Variants in CTNNA2 observed in about 807,000 individuals in gnomAD.
CTNNA2 encodes catenin alpha-2.
Under a neutral mutation model 101.0 loss-of-function variants are expected in CTNNA2, and 42 were observed. The ratio of observed to expected loss-of-function variants is 0.42; its 90% confidence interval spans 0.32 to 0.54. The LOEUF is 0.54. Ranked by LOEUF, CTNNA2 falls within the 20% of genes least tolerant of loss-of-function variation. CTNNA2 has a pLI of 0.14. For missense variants in CTNNA2, 871 were observed against 1,223.1 expected (o/e 0.71, Z 4.29); for synonymous variants, 450 against 456.4 (o/e 0.99, Z 0.18).
At chr2:79,766,996 C>T (rs958224213) in intron 3 of CTNNA2, among the ~76,000 whole-genome samples, 2 of 151,896 alleles carry the variant, frequency 1.3e-5, no homozygotes, top group Non-Finnish European at 2.9e-5. Context: ...CCTCGTGATC[C>T]GCCTGCCTCG....
At chr2:79,510,683 A>C (rs1031870450), upstream of CTNNA2, among the ~76,000 whole-genome samples, 3 of 152,224 alleles carry the variant, frequency 2.0e-5, no homozygotes, top group African/African-American at 7.2e-5. Flanking sequence ...TGTATTTTGA[A>C]GAACTGAGGG....
At chr2:80,430,554 C>T (rs1300258175) in intron 9 of CTNNA2, among the ~76,000 whole-genome samples, 3 of 152,022 alleles carry the variant, frequency 2.0e-5, no homozygotes, top group Non-Finnish European at 2.9e-5. Flanking sequence ...AAATATTAAC[C>T]TTGTACATTC....
intron 3 of CTNNA2, among the ~76,000 whole-genome samples, chr2:79,824,939 C>T (rs1678301912): frequency 6.6e-6 from 1 of 151,908 alleles, no homozygotes; most frequent in Non-Finnish European, 1.5e-5. Flanking sequence ...ACCTGTAATC[C>T]CAGCACTTAG....
intron 7 of CTNNA2, among the ~76,000 whole-genome samples, chr2:80,218,098 A>G (rs565978561): frequency 6.6e-6 from 1 of 152,328 alleles, no homozygotes; most frequent in Admixed American, 6.5e-5. Flanking sequence ...CAACTTGGGG[A>G]TGAGCTGAAA....
chr2:80,213,440 C>T (rs1393812637), intron 7 of CTNNA2, among the ~76,000 whole-genome samples: 1 of 152,174 alleles, frequency 6.6e-6, no homozygotes, highest in Non-Finnish European at 1.5e-5. Context: ...TTTCAAAGAA[C>T]ATTTTTATTT....
chr2:80,024,712 A>G (rs1388732129), intron 7 of CTNNA2, among the ~76,000 whole-genome samples: 2 of 152,192 alleles, frequency 1.3e-5, no homozygotes, highest in Non-Finnish European at 2.9e-5. Context: ...CATCTGGGAA[A>G]GAGTGTCTGC....
At chr2:79,464,384 T>C (rs945670164) in intron 4 of CTNNA2, among the ~76,000 whole-genome samples, 2 of 152,220 alleles carry the variant, frequency 1.3e-5, no homozygotes, top group African/African-American at 4.8e-5. Context: ...AGTCTATCAT[T>C]GTTGGACATT....
intron 11 of CTNNA2, among the ~76,000 whole-genome samples, chr2:80,548,491 C>T (rs1256880272): frequency 6.6e-6 from 1 of 152,170 alleles, no homozygotes; most frequent in East Asian, 1.9e-4. Context: ...TGCCTCTTTG[C>T]TCCCTTTTCT....
intron 3 of CTNNA2, among the ~76,000 whole-genome samples, chr2:79,347,011 A>G (rs1271827376): frequency 6.6e-6 from 1 of 152,230 alleles, no homozygotes; most frequent in Non-Finnish European, 1.5e-5. Flanking sequence ...TGTTTGGATG[A>G]TGAGTTCAAT....
At chr2:80,282,103 T>G (rs2149162084) in intron 7 of CTNNA2, among the ~76,000 whole-genome samples, 1 of 152,262 alleles carries the variant, frequency 6.6e-6, no homozygotes, top group South Asian at 2.1e-4. Context: ...TCTGGGAGTC[T>G]TCTATCAGCT....
chr2:79,986,647 C>G (rs1691784234), intron 7 of CTNNA2, among the ~76,000 whole-genome samples: 1 of 152,136 alleles, frequency 6.6e-6, no homozygotes, highest in Non-Finnish European at 1.5e-5. Flanking sequence ...TTCTCCCTGC[C>G]TAGGCCTCAT....
intron 3 of CTNNA2, among the ~76,000 whole-genome samples, chr2:79,765,846 C>T (rs1673113701): frequency 6.6e-6 from 1 of 152,184 alleles, no homozygotes; most frequent in Non-Finnish European, 1.5e-5. Flanking sequence ...TGTTATGTTA[C>T]TTGCGTACTC....
intron 9 of CTNNA2, among the ~76,000 whole-genome samples, chr2:80,449,485 C>T (rs984966268): frequency 2.0e-5 from 3 of 152,152 alleles, no homozygotes; most frequent in African/African-American, 4.8e-5. Context: ...GTCTCCTTCT[C>T]TGTTTTCAAA....
At chr2:79,845,684 G>C (rs1330435350) in intron 3 of CTNNA2, among the ~76,000 whole-genome samples, 2 of 152,326 alleles carry the variant, frequency 1.3e-5, no homozygotes, top group African/African-American at 4.8e-5. Context: ...TTGATCACAG[G>C]AGTGAAGAAA....
chr2:80,503,372 T>C (rs1013544016), intron 9 of CTNNA2, among the ~76,000 whole-genome samples: 3 of 152,152 alleles, frequency 2.0e-5, no homozygotes, highest in African/African-American at 7.2e-5. Context: ...CAGTAGACAA[T>C]GCTAGCAACT....
intron 2 of CTNNA2, among the ~76,000 whole-genome samples, chr2:79,710,620 A>G (rs1302872630): frequency 6.6e-6 from 1 of 152,168 alleles, no homozygotes; most frequent in Admixed American, 6.5e-5. Context: ...TTTAATAAGG[A>G]TGCCACAGAG....
chr2:79,868,946 TA>T (rs1178427372), intron 4 of CTNNA2, among the ~76,000 whole-genome samples: 26 of 152,250 alleles, frequency 1.7e-4, no homozygotes, highest in Admixed American at 1.3e-4. Context: ...TTCACCACAA[TA>T]TCTTAATTTT....
chr2:80,543,130 A>C (rs1015004092), intron 9 of CTNNA2, among the ~76,000 whole-genome samples: 3 of 152,242 alleles, frequency 2.0e-5, no homozygotes, highest in Non-Finnish European at 4.4e-5. Context: ...TTATTAAATA[A>C]ACATGTACAA....
In CTNNA2 at chr2:80,455,657, A is replaced by G. The variant is rs555343167; in HGVS notation, c.1290+36056A>G. The stretch of plus-strand genomic sequence containing the variant: ...TCTCCTCATTAAAGTGAAGAAAATA[A>G]TATGATAAATTAATTCACACCAAGA... On this transcript the variant is annotated intron_variant, in intron 9 of 18. Coordinates refer to ENST00000402739, the MANE Select transcript of CTNNA2 (RefSeq NM_001282597.3). Among the ~76,000 whole-genome samples, 9 of 152,292 alleles carry G rather than the reference A, an allele frequency of 5.9e-5. No individual in the cohort carries two copies. In the East Asian group the frequency reaches 1.5e-3, roughly 26 times the overall value.
Sources: allele counts gnomAD v4.1 joint callset (sites outside exome capture counted in the v4.1 genomes callset), GRCh38; gene constraint gnomAD v4.1.1; transcripts MANE v1.5; gene names NCBI Gene and HGNC (gene_info 2026-07-23, HGNC 2026-07-21).